The following SRGAP1 variants were observed in gnomAD, a reference collection of about 807,000 sequenced individuals.
SRGAP1 encodes the protein SLIT-ROBO Rho GTPase activating protein 1.
Under a neutral mutation model 121.9 loss-of-function variants are expected in SRGAP1, and 43 were observed. That is an observed-to-expected ratio of 0.35 (90% CI 0.28 to 0.46). SRGAP1 has a LOEUF of 0.46. SRGAP1 is among the 20% of genes least tolerant of loss of function. SRGAP1 has a pLI of 1.00. For missense variants in SRGAP1, 1,102 were observed against 1,350.9 expected, an observed-to-expected ratio of 0.82 and a Z score of 2.89; for synonymous variants, 447 against 485.4, an observed-to-expected ratio of 0.92 and a Z score of 1.04.
intron 21 of SRGAP1, among the ~76,000 whole-genome samples, chr12:64,141,980 C>A (rs2036972209): frequency 6.6e-6 from 1 of 152,110 alleles, no homozygotes; most frequent in Admixed American, 6.5e-5. Flanking sequence ...CAGAGTGAGA[C>A]CCTGCCTCAA....
At chr12:64,124,492 C>T (rs2136634117) in intron 18 of SRGAP1, among the ~76,000 whole-genome samples, 1 of 152,244 alleles carries the variant, frequency 6.6e-6, no homozygotes, top group South Asian at 2.1e-4. Flanking sequence ...TAGGCATATT[C>T]CTGTAAGTAT....
At chr12:64,081,785 A>C (rs1270514632) in intron 10 of SRGAP1, 1 of 151,900 alleles carries the variant, frequency 6.6e-6, no homozygotes, top group Non-Finnish European at 1.5e-5. Flanking sequence ...GTTCTAAAAA[A>C]AAAAAGAGGG....
intron 18 of SRGAP1, among the ~76,000 whole-genome samples, chr12:64,124,621 G>A (rs2136634251): frequency 6.6e-6 from 1 of 152,266 alleles, no homozygotes. Context: ...AAGATCATAA[G>A]GCCTCAAATT....
intron 1 of SRGAP1, among the ~76,000 whole-genome samples, chr12:63,979,791 C>T (rs979146685): frequency 7.9e-5 from 12 of 152,142 alleles, no homozygotes; most frequent in African/African-American, 2.9e-4. Flanking sequence ...CAATACTAAC[C>T]TAAAAACGCC....
rs74097506 is a variant in SRGAP1, at chr12:63,971,765, T to G, written c.68-12182T>G. On this transcript the variant is annotated intron_variant, in intron 1 of 21. Transcript: ENST00000355086. Reference sequence around the variant, plus strand: ...GTGGGTATAGGGGTGTGTGTGTGGGTGTGTGTGTGTGTGTGTGTGATCTTT... The same window carrying G: ...GTGGGTATAGGGGTGTGTGTGTGGGGGTGTGTGTGTGTGTGTGTGATCTTT... Among the ~76,000 whole-genome samples, 1,097 of 149,056 alleles carry G rather than the reference T, an allele frequency of 7.4e-3. 13 individuals are homozygous for G. Among genetic ancestry groups the G allele is most frequent in the African/African-American group, 0.024 (970 of 41,026 alleles).
In SRGAP1 at chr12:64,149,340, T is replaced by C. The variant is rs572210579; in HGVS notation, c.*6668T>C. On this transcript the variant is annotated 3_prime_UTR_variant, in exon 22 of 22. Coordinates refer to ENST00000355086, the MANE Select transcript of SRGAP1 (RefSeq NM_020762.4). ...ATTCATAGATGACACTGAAACTAGT[T>C]GAAGCTTTACTTGATGCTTATCAAG... 51 of 152,338 alleles carry C rather than the reference T, an allele frequency of 3.3e-4. No homozygotes were observed. The highest frequency in any genetic ancestry group is 1.2e-3 in the African/African-American group (51 of 41,572). 9.4% of individuals were successfully genotyped at this position (152,338 alleles called of 1,614,324 possible). A position where few individuals can be genotyped will look rare whatever the true frequency, so the allele number is the denominator to read the frequency against.
At chr12:64,082,558 C>G (rs141704665) in intron 10 of SRGAP1, among the ~76,000 whole-genome samples, 6 of 151,314 alleles carry the variant, frequency 4.0e-5, no homozygotes, top group Non-Finnish European at 8.8e-5. Flanking sequence ...TTAAGTGATT[C>G]TCCAGCCTTG....
Position 64,127,938 on chromosome 12 carries a change from C to G in SRGAP1, c.2618C>G (p.Pro873Arg), listed in dbSNP as rs368015303. 1.3e-5 allele frequency: 21 copies of G among 1,614,128 alleles called. No individual in the cohort carries two copies. In the African/African-American group the frequency reaches 2.7e-4, roughly 21 times the overall value. Residue 873 changes from proline to arginine, a missense_variant, in exon 21 of 22, where the codon CCT (proline) becomes CGT (arginine). Physicochemically the swap from Pro to Arg is moderately radical, Grantham distance 103. This residue lies in a region of SRGAP1 where 315 missense variants were observed against 343.1 expected (regional missense o/e 0.92). Coordinates refer to ENST00000355086, the MANE Select transcript of SRGAP1 (RefSeq NM_020762.4). ...AGTGATGGCCATTGCCCGCTCCACC[C>G]TCCACATGCCCTTTCTAACTCCTCA... ...RTSDGHCPLH[P>R]PHALSNSSVD... is the part of the protein sequence containing the mutation.
intron 1 of SRGAP1, among the ~76,000 whole-genome samples, chr12:63,919,499 CATATAT>C (rs10570691): frequency 8.2e-5 from 11 of 134,182 alleles, no homozygotes; most frequent in Admixed American, 1.4e-4. Context: ...CTTAACATTA[CATATAT>C]ATATATATAT....
intron 1 of SRGAP1, among the ~76,000 whole-genome samples, chr12:63,918,480 A>G (rs2030892203): frequency 6.6e-6 from 1 of 152,102 alleles, no homozygotes; most frequent in Non-Finnish European, 1.5e-5. Context: ...GCAGTAGTGC[A>G]GTCATGGTTC....
At chr12:64,133,139 C>G (rs985998605) in intron 21 of SRGAP1, among the ~76,000 whole-genome samples, 1 of 152,212 alleles carries the variant, frequency 6.6e-6, no homozygotes, top group African/African-American at 2.4e-5. Flanking sequence ...ATCACCACCC[C>G]TGCATCTTTC....
At position 64,021,842 on chromosome 12, in the gene SRGAP1, A is replaced by G. The variant is rs191627483; in HGVS notation, c.489+4830A>G. Among the ~76,000 whole-genome samples, 913 of 152,354 alleles carry G rather than the reference A, an allele frequency of 6.0e-3. 2 individuals carry two copies. The highest frequency in any genetic ancestry group is 9.5e-3 in the Non-Finnish European group (643 of 68,030). ...GTATTTAAATGATTTAACAGGTGGA[A>G]TTCATTGGCTAAAAGTGAAAGGGTG... On this transcript the variant is annotated intron_variant, in intron 4 of 21. Coordinates refer to ENST00000355086, the MANE Select transcript of SRGAP1 (RefSeq NM_020762.4).
chr12:63,915,980 T>A lies in SRGAP1; in HGVS notation c.68-67967T>A, dbSNP rs116326217. ...TTACTGAAAAAGAGGCAAGTTTAAATTCTAGGGCTTGGAAGCAAAATGCTC... is the reference window on the plus strand; with the variant it reads ...TTACTGAAAAAGAGGCAAGTTTAAAATCTAGGGCTTGGAAGCAAAATGCTC... On this transcript the variant is annotated intron_variant, in intron 1 of 21. Transcript: ENST00000355086. 7.2e-3 allele frequency among the ~76,000 whole-genome samples: 1,088 copies of A among 152,138 alleles called. 14 individuals carry two copies. Among genetic ancestry groups the A allele is most frequent in the African/African-American group, 0.024 (1,004 of 41,504 alleles).
intron 1 of SRGAP1, among the ~76,000 whole-genome samples, chr12:63,878,203 T>G (rs577243950): frequency 6.6e-6 from 1 of 152,300 alleles, no homozygotes; most frequent in East Asian, 1.9e-4. Context: ...GCTTTATTGG[T>G]ATAAAGCAAG....
At chr12:63,960,705 G>A (rs2032613188) in intron 1 of SRGAP1, among the ~76,000 whole-genome samples, 1 of 152,170 alleles carries the variant, frequency 6.6e-6, no homozygotes, top group South Asian at 2.1e-4. Flanking sequence ...ATTCTCCTAG[G>A]TGACCCAGTG....
intron 2 of SRGAP1, among the ~76,000 whole-genome samples, chr12:63,984,991 G>A (rs377754577): frequency 3.4e-4 from 50 of 148,620 alleles, no homozygotes; most frequent in African/African-American, 1.2e-3. Flanking sequence ...ACTCCAGGCT[G>A]GGCAATAGAG....
At chr12:64,007,230 C>T (rs995520871) in intron 3 of SRGAP1, among the ~76,000 whole-genome samples, 3 of 152,088 alleles carry the variant, frequency 2.0e-5, no homozygotes, top group Non-Finnish European at 2.9e-5. Flanking sequence ...GCAGTGGTCC[C>T]CAACCTTTTT....
intron 4 of SRGAP1, among the ~76,000 whole-genome samples, chr12:64,021,920 G>C (rs1289570471): frequency 6.6e-6 from 1 of 152,162 alleles, no homozygotes; most frequent in Admixed American, 6.5e-5. Context: ...TTCTTTTTGA[G>C]TTAAACATTT....
At chr12:64,112,029 T>C (rs755777045) in intron 17 of SRGAP1, 43 bp downstream of exon 17, 2 of 1,476,778 alleles carry the variant, frequency 1.4e-6, no homozygotes, top group East Asian at 2.3e-5. Flanking sequence ...CCGAAAATTA[T>C]GGAAATATAG....
Sources: allele counts gnomAD v4.1 joint callset (sites outside exome capture counted in the v4.1 genomes callset), GRCh38; gene constraint gnomAD v4.1.1; regional missense constraint gnomAD v4.1.1; transcripts MANE v1.5; gene names NCBI Gene and HGNC (gene_info 2026-07-23, HGNC 2026-07-21).